Variants in GK5 observed in about 807,000 individuals in gnomAD.
GK5 encodes glycerol kinase 5, also known as ATP:glycerol 3-phosphotransferase 5.
GK5 carries 39 observed loss-of-function variants against 77.3 expected under a neutral mutation model. The ratio of observed to expected loss-of-function variants is 0.50; its 90% CI spans 0.39 to 0.66. The LOEUF (loss-of-function observed/expected upper bound fraction) is 0.66, where lower values mean the gene tolerates loss of function less well. GK5 is among the 30% of genes least tolerant of loss of function. The probability of loss-of-function intolerance (pLI) is 0.00; values close to 1 mark genes in which losing one functional copy is unlikely to be tolerated. For missense variants in GK5, 487 were observed against 633.8 expected (o/e 0.77, Z 2.49); for synonymous variants, 211 against 208.0 (o/e 1.01, Z -0.13).
chr3:142,212,984 G>A (rs1031662066), intron 3 of GK5, among the ~76,000 whole-genome samples: 1 of 151,510 alleles, frequency 6.6e-6, no homozygotes, highest in South Asian at 2.1e-4. Flanking sequence ...ACAGGCGCTC[G>A]CCACCTCGCC....
intron 10 of GK5, 123 bp from the exon 11 acceptor site, chr3:142,181,688 C>A (rs1037794481): frequency 1.6e-6 from 1 of 619,922 alleles, no homozygotes; most frequent in Non-Finnish European, 2.8e-6. Flanking sequence ...AGACTGTGGA[C>A]GTTCAAACTC....
intron 4 of GK5, among the ~76,000 whole-genome samples, chr3:142,199,839 T>G (rs533213017): frequency 4.0e-4 from 61 of 151,828 alleles, no homozygotes; most frequent in Non-Finnish European, 7.5e-4. Flanking sequence ...GTAAAACTGA[T>G]GTTTTACAAA....
At chr3:142,190,283 A>T (rs1361068475) in intron 5 of GK5, among the ~76,000 whole-genome samples, 2 of 152,182 alleles carry the variant, frequency 1.3e-5, no homozygotes, top group Non-Finnish European at 2.9e-5. Flanking sequence ...GAGAAGGTCT[A>T]AACTTAAAAA....
chr3:142,184,982 G>C (rs2063748836), intron 9 of GK5: 1 of 985,498 alleles, frequency 1.0e-6, no homozygotes. Context: ...TAATGATTTT[G>C]TAACTTGGAA....
intron 5 of GK5, among the ~76,000 whole-genome samples, chr3:142,188,765 G>A (rs2063809367): frequency 6.6e-6 from 1 of 152,188 alleles, no homozygotes; most frequent in South Asian, 2.1e-4. Context: ...GTTGCCTACG[G>A]CTGCTTTCAT....
chr3:142,221,487 C>T (rs372041862), intron 1 of GK5, among the ~76,000 whole-genome samples: 1 of 152,026 alleles, frequency 6.6e-6, no homozygotes, highest in African/African-American at 2.4e-5. Flanking sequence ...ACAGGAGAAC[C>T]AAACCAAAAT....
chr3:142,221,644 T>A (rs1203500392), intron 1 of GK5, among the ~76,000 whole-genome samples: 1 of 152,220 alleles, frequency 6.6e-6, no homozygotes, highest in Non-Finnish European at 1.5e-5. Flanking sequence ...ACCAAGACAT[T>A]ATCATTTTTT....
chr3:142,221,338 C>G (rs1312011535), intron 1 of GK5, among the ~76,000 whole-genome samples: 2 of 152,124 alleles, frequency 1.3e-5, no homozygotes, highest in East Asian at 3.9e-4. Flanking sequence ...CTTTCTTACC[C>G]CAGAAAACTC....
intron 10 of GK5, 60 bp from the exon 11 acceptor site, chr3:142,181,625 C>T: frequency 8.6e-7 from 1 of 1,160,446 alleles, no homozygotes; most frequent in Non-Finnish European, 1.3e-6. Flanking sequence ...ATAGAGACTT[C>T]TACAATGTAA....
chr3:142,172,367 C>T lies in GK5; in HGVS notation c.1233G>A (p.Glu411=). 6.3e-7 allele frequency: 1 copy of T among 1,587,672 alleles called. No homozygotes were observed. Among genetic ancestry groups the T allele is most frequent in the Non-Finnish European group, 8.6e-7 (1 of 1,160,224 alleles). Residue 411 remains glutamate (E), a synonymous_variant, in exon 13 of 16, where the codon GAG becomes GAA. Coordinates refer to ENST00000392993, the MANE Select transcript of GK5 (RefSeq NM_001039547.3). ...GGTTTTCATACCTGAAAGCTATTGACTCCAATATTGCTCGTACAAGATGGT... is the reference window on the plus strand; with the variant it reads ...GGTTTTCATACCTGAAAGCTATTGATTCCAATATTGCTCGTACAAGATGGT... ...SKYHLVRAIL[E]SIAFRNKQLY... is the part of the protein sequence containing the mutation.
chr3:142,179,810 T>C (rs983144172), intron 11 of GK5, among the ~76,000 whole-genome samples: 9 of 152,208 alleles, frequency 5.9e-5, no homozygotes, highest in Non-Finnish European at 1.2e-4. Flanking sequence ...TCTCCCCCAC[T>C]GAATGTAACT....
At chr3:142,219,978 C>A (rs2107800488) in intron 1 of GK5, among the ~76,000 whole-genome samples, 1 of 152,238 alleles carries the variant, frequency 6.6e-6, no homozygotes, top group Non-Finnish European at 1.5e-5. Context: ...ATCAATCAAT[C>A]AATAAACAAA....
Position 142,216,864 on chromosome 3 carries a change from T to C in GK5, c.148-1172A>G, listed in dbSNP as rs114290677. On this transcript the variant is annotated intron_variant, in intron 1 of 15. Coordinates refer to ENST00000392993, the MANE Select transcript of GK5 (RefSeq NM_001039547.3). Reference sequence around the variant, plus strand: ...CACACAGGGCAGATCCAAATAGTACTGCCAAGATTTTGAAAACAAATCTGA... The same window carrying C: ...CACACAGGGCAGATCCAAATAGTACCGCCAAGATTTTGAAAACAAATCTGA... Among the ~76,000 whole-genome samples, 1,055 of 152,324 alleles carry C rather than the reference T, an allele frequency of 6.9e-3. 14 individuals are homozygous for C. The highest frequency in any genetic ancestry group is 0.023 in the African/African-American group (970 of 41,570).
rs1289934981 is a variant in GK5, at chr3:142,158,853, T to C, written c.*6769A>G. On this transcript the variant is annotated 3_prime_UTR_variant, in exon 16 of 16. Transcript: ENST00000392993. The stretch of plus-strand genomic sequence containing the variant: ...CTCTAACATTCTAAATAAAGGTATC[T>C]TTGAAAATTTACTATTATACAGTAT... 1 of 152,188 alleles carries C rather than the reference T, an allele frequency of 6.6e-6. No individual in the cohort carries two copies. The highest frequency in any genetic ancestry group is 1.5e-5 in the Non-Finnish European group (1 of 68,034). The allele number at this position is 152,188 out of a possible 1,614,324, so 9.4% of individuals were successfully genotyped here.
intron 2 of GK5, among the ~76,000 whole-genome samples, chr3:142,213,907 C>G (rs2064234046): frequency 6.6e-6 from 1 of 152,178 alleles, no homozygotes; most frequent in African/African-American, 2.4e-5. Context: ...ACTGCAATCT[C>G]TGCCTCCCGG....
chr3:142,206,949 G>T (rs1289674970), intron 3 of GK5, among the ~76,000 whole-genome samples: 1 of 152,188 alleles, frequency 6.6e-6, no homozygotes, highest in Non-Finnish European at 1.5e-5. Context: ...GGGAGATGTA[G>T]GGAGACCCCC....
At chr3:142,188,349 G>A (rs1044147592) in intron 5 of GK5, among the ~76,000 whole-genome samples, 1 of 152,138 alleles carries the variant, frequency 6.6e-6, no homozygotes. Flanking sequence ...GGCTAACATG[G>A]TGAAACCCTG....
intron 3 of GK5, among the ~76,000 whole-genome samples, chr3:142,207,764 T>C (rs2064132049): frequency 6.6e-6 from 1 of 152,196 alleles, no homozygotes; most frequent in Non-Finnish European, 1.5e-5. Flanking sequence ...TTGTGTCTAT[T>C]ATTTCTCAAC....
At chr3:142,215,733 C>G (rs777668387) in intron 1 of GK5, 41 bp from the exon 2 acceptor site, 2 of 968,662 alleles carry the variant, frequency 2.1e-6, no homozygotes, top group Middle Eastern at 2.1e-4. Context: ...AGCATTAGAT[C>G]AAGTCAATAG....
Sources: allele counts gnomAD v4.1 joint callset (sites outside exome capture counted in the v4.1 genomes callset), GRCh38; gene constraint gnomAD v4.1.1; transcripts MANE v1.5; gene names NCBI Gene and HGNC (gene_info 2026-07-23, HGNC 2026-07-21).